KHDRBS2: variants seen among roughly 807,000 people sequenced by gnomAD.
The protein encoded by KHDRBS2 is KH RNA binding domain containing, signal transduction associated 2, also known as KH domain-containing, RNA-binding, signal transduction-associated protein 2.
In KHDRBS2, 26 loss-of-function variants were observed where a neutral mutation model predicts 44.3. That is an observed-to-expected ratio of 0.59 (90% CI 0.43 to 0.81). The LOEUF is 0.81. Ranked by LOEUF, KHDRBS2 falls within the 40% of genes least tolerant of loss-of-function variation. The pLI is 0.00. For missense variants in KHDRBS2, 476 were observed against 433.1 expected (o/e 1.10, Z -0.88); for synonymous variants, 194 against 151.1 (o/e 1.28, Z -2.08).
At chr6:62,177,380 AT>A (rs1821359653) in intron 1 of KHDRBS2, 68 bp from the exon 2 acceptor site, 2 of 1,215,910 alleles carry the variant, frequency 1.6e-6, no homozygotes, top group Admixed American at 4.9e-5. Flanking sequence ...ATGCTGAAAA[AT>A]GTTATCATAA....
At chr6:61,565,998 GGTGTGT>G in the KHDRBS2 span, among the ~76,000 whole-genome samples, 1,050 of 148,920 alleles carry the variant, frequency 7.1e-3, 11 homozygotes, top group South Asian at 8.1e-3. Flanking sequence ...AAGAAAATGT[GGTGTGT>G]GTGTGTGTGT....
intron 4 of KHDRBS2, among the ~76,000 whole-genome samples, chr6:61,973,843 G>A (rs1457609623): frequency 6.6e-6 from 1 of 152,110 alleles, no homozygotes; most frequent in Non-Finnish European, 1.5e-5. Flanking sequence ...ATGCTGTGTT[G>A]GGAAGATTCT....
chr6:61,908,656 T>C (rs1583454099), intron 4 of KHDRBS2, among the ~76,000 whole-genome samples: 1 of 145,790 alleles, frequency 6.9e-6, no homozygotes, highest in South Asian at 2.2e-4. Context: ...AAAAAATCAA[T>C]ACATAATAAA....
chr6:61,650,768 T>C, the KHDRBS2 span, among the ~76,000 whole-genome samples: 4,636 of 152,146 alleles, frequency 0.03, 100 homozygotes, highest in Middle Eastern at 0.048. Context: ...TCTCCAAATT[T>C]TGTAGACCAA....
the KHDRBS2 span, among the ~76,000 whole-genome samples, chr6:61,545,933 C>T: frequency 1.3e-5 from 2 of 152,100 alleles, no homozygotes; most frequent in African/African-American, 4.8e-5. Context: ...CAGAAAGACG[C>T]ATCGCTATTC....
chr6:61,626,602 A>T, the KHDRBS2 span, among the ~76,000 whole-genome samples: 10 of 152,314 alleles, frequency 6.6e-5, no homozygotes, highest in African/African-American at 2.4e-4. Flanking sequence ...CTCATAAAAG[A>T]TATATATTCT....
chr6:62,065,226 C>G (rs374646963), intron 2 of KHDRBS2, among the ~76,000 whole-genome samples: 6 of 152,066 alleles, frequency 3.9e-5, no homozygotes, highest in Non-Finnish European at 8.8e-5. Context: ...TCAGTGTGGC[C>G]ATTCCTCAGG....
the KHDRBS2 span, among the ~76,000 whole-genome samples, chr6:61,670,326 A>G: frequency 6.6e-6 from 1 of 151,424 alleles, no homozygotes; most frequent in African/African-American, 2.4e-5. Flanking sequence ...ATTAAAGGTT[A>G]TCAGGTGATA....
chr6:62,233,086 T>TAAC (rs1833143740), intron 1 of KHDRBS2, among the ~76,000 whole-genome samples: 1 of 152,228 alleles, frequency 6.6e-6, no homozygotes, highest in African/African-American at 2.4e-5. Flanking sequence ...ACATAAAGAT[T>TAAC]AACTTAGGCT....
chr6:62,170,482 A>T (rs185808120), intron 2 of KHDRBS2, among the ~76,000 whole-genome samples: 1 of 152,136 alleles, frequency 6.6e-6, no homozygotes, highest in Admixed American at 6.5e-5. Flanking sequence ...CAACTGTGCC[A>T]AAAAACAGAA....
At chr6:61,865,622 C>A (rs1419102745) in intron 6 of KHDRBS2, among the ~76,000 whole-genome samples, 1 of 152,138 alleles carries the variant, frequency 6.6e-6, no homozygotes, top group African/African-American at 2.4e-5. Context: ...TCAATCCACC[C>A]CTCGTCCCAC....
intron 6 of KHDRBS2, among the ~76,000 whole-genome samples, chr6:61,823,931 T>A (rs1267223044): frequency 6.6e-6 from 1 of 152,108 alleles, no homozygotes; most frequent in Non-Finnish European, 1.5e-5. Context: ...CCAAGTTAAA[T>A]CATGTAGAAA....
At chr6:61,955,564 GTATA>G (rs1198734202) in intron 4 of KHDRBS2, among the ~76,000 whole-genome samples, 1 of 60,324 alleles carries the variant, frequency 1.7e-5, no homozygotes, top group African/African-American at 5.3e-5. Context: ...GTATACATGT[GTATA>G]TATACACGTA....
intron 1 of KHDRBS2, among the ~76,000 whole-genome samples, chr6:62,254,963 T>C (rs1299826413): frequency 6.6e-6 from 1 of 152,090 alleles, no homozygotes; most frequent in African/African-American, 2.4e-5. Flanking sequence ...AAATAAATGT[T>C]AGTGATAAAA....
chr6:61,843,683 T>C (rs73476690), intron 6 of KHDRBS2, among the ~76,000 whole-genome samples: 2,290 of 152,218 alleles, frequency 0.015, 62 homozygotes, highest in African/African-American at 0.052. Context: ...CTATTATTGA[T>C]ATCTTCATGT....
chr6:61,590,042 T>A, the KHDRBS2 span, among the ~76,000 whole-genome samples: 1 of 151,338 alleles, frequency 6.6e-6, no homozygotes, highest in African/African-American at 2.4e-5. Context: ...CATCTGCTGG[T>A]AAAAAAAAAT....
the KHDRBS2 span, among the ~76,000 whole-genome samples, chr6:61,602,474 T>A: frequency 6.6e-6 from 1 of 152,162 alleles, no homozygotes; most frequent in Non-Finnish European, 1.5e-5. Flanking sequence ...AAAATTGGAC[T>A]GTTCAACTCA....
chr6:61,937,221 T>C (rs1449511379), intron 4 of KHDRBS2, among the ~76,000 whole-genome samples: 1 of 152,008 alleles, frequency 6.6e-6, no homozygotes, highest in Non-Finnish European at 1.5e-5. Flanking sequence ...TTATTTCAAT[T>C]GGTTTTTTAT....
intron 1 of KHDRBS2, among the ~76,000 whole-genome samples, chr6:62,250,042 A>G (rs1464914807): frequency 1.3e-5 from 2 of 152,192 alleles, no homozygotes; most frequent in African/African-American, 4.8e-5. Flanking sequence ...ACAGAAAAAT[A>G]CTTTCGTATG....
Sources: gnomAD v4.1 joint callset for allele counts (sites outside exome capture counted in the v4.1 genomes callset) on GRCh38, gnomAD v4.1.1 for gene constraint, MANE v1.5 for transcripts, NCBI Gene and HGNC (gene_info 2026-07-23, HGNC 2026-07-21) for gene names.